The following KCNQ5 variants were observed in gnomAD, a reference collection of about 807,000 sequenced individuals.
KCNQ5 encodes the protein potassium voltage-gated channel subfamily Q member 5.
A neutral mutation model predicts 98.2 loss-of-function variants in KCNQ5; 30 were observed. That is an observed-to-expected ratio of 0.31 (90% CI 0.23 to 0.41). The LOEUF is 0.41. Among genes scored for constraint, KCNQ5 ranks in the 10% least tolerant of loss-of-function variants. The pLI is 1.00. For missense variants in KCNQ5, 835 were observed against 1,182.5 expected, an observed-to-expected ratio of 0.71 and a Z score of 4.31; for synonymous variants, 458 against 449.4, an observed-to-expected ratio of 1.02 and a Z score of -0.24.
chr6:72,798,078 G>A (rs1049169177), intron 1 of KCNQ5, among the ~76,000 whole-genome samples: 8 of 152,288 alleles, frequency 5.3e-5, no homozygotes, highest in African/African-American at 9.6e-5. Context: ...TGATACCCAT[G>A]AGTGAACTGG....
chr6:73,077,686 GAATC>G, intron 4 of KCNQ5, 72 bp from the exon 5 acceptor site: 2 of 1,409,186 alleles, frequency 1.4e-6, no homozygotes, highest in Non-Finnish European at 2.0e-6. Flanking sequence ...AAAGTGAATA[GAATC>G]CTCATAGAAT....
Position 73,084,242 on chromosome 6 carries a change from G to A in KCNQ5, c.918+6355G>A, listed in dbSNP as rs563453274. 4.8e-4 allele frequency among the ~76,000 whole-genome samples: 73 copies of A among 152,310 alleles called. 1 individual carries two copies. Among genetic ancestry groups the A allele is most frequent in the African/African-American group, 1.6e-3 (68 of 41,568 alleles). Reference sequence around the variant, plus strand: ...GGATGTGATGGAAGTATCTTCAAAGGAGCAACTACATTATTTATTTAATGT... The same window carrying A: ...GGATGTGATGGAAGTATCTTCAAAGAAGCAACTACATTATTTATTTAATGT... On this transcript the variant is annotated intron_variant, in intron 5 of 13. Transcript: ENST00000370398.
intron 1 of KCNQ5, among the ~76,000 whole-genome samples, chr6:72,731,705 C>T (rs1770562033): frequency 6.6e-6 from 1 of 152,172 alleles, no homozygotes; most frequent in Non-Finnish European, 1.5e-5. Flanking sequence ...CAAGAAGTCC[C>T]ACTCTGTCAC....
intron 1 of KCNQ5, among the ~76,000 whole-genome samples, chr6:72,962,533 C>T (rs1198863457): frequency 1.3e-5 from 2 of 151,994 alleles, no homozygotes; most frequent in African/African-American, 2.4e-5. Context: ...TCACTAAGCT[C>T]AGAACAGAGA....
intron 1 of KCNQ5, among the ~76,000 whole-genome samples, chr6:72,659,285 C>G (rs1037071460): frequency 6.6e-6 from 1 of 152,112 alleles, no homozygotes; most frequent in Non-Finnish European, 1.5e-5. Flanking sequence ...CCTGTTTGTC[C>G]TCATCCCCTC....
intron 2 of KCNQ5, among the ~76,000 whole-genome samples, chr6:73,005,881 A>G (rs1019177779): frequency 6.6e-6 from 1 of 152,216 alleles, no homozygotes; most frequent in African/African-American, 2.4e-5. Flanking sequence ...CTATAGTGAT[A>G]CATTGTCAAA....
chr6:72,905,922 T>C (rs1779679599), intron 1 of KCNQ5, among the ~76,000 whole-genome samples: 1 of 152,116 alleles, frequency 6.6e-6, no homozygotes, highest in South Asian at 2.1e-4. Flanking sequence ...TGTGGCAGTA[T>C]GGAGAGGAAC....
intron 1 of KCNQ5, among the ~76,000 whole-genome samples, chr6:72,857,281 T>TC (rs1036123276): frequency 1.3e-5 from 2 of 152,232 alleles, no homozygotes; most frequent in Admixed American, 1.3e-4. Flanking sequence ...TTCTTTTTTT[T>TC]CATTTCCCTA....
intron 1 of KCNQ5, among the ~76,000 whole-genome samples, chr6:72,832,343 C>G (rs1254489944): frequency 6.6e-6 from 1 of 152,116 alleles, no homozygotes; most frequent in Non-Finnish European, 1.5e-5. Flanking sequence ...TTACTGTCCT[C>G]CCTGTTTTAG....
At chr6:72,737,188 G>A (rs1038807062) in intron 1 of KCNQ5, among the ~76,000 whole-genome samples, 1 of 152,120 alleles carries the variant, frequency 6.6e-6, no homozygotes, top group South Asian at 2.1e-4. Context: ...TTGAACTCCC[G>A]GCCTCAAGTG....
chr6:72,680,417 A>G (rs990259329), intron 1 of KCNQ5, among the ~76,000 whole-genome samples: 3 of 152,328 alleles, frequency 2.0e-5, no homozygotes, highest in African/African-American at 7.2e-5. Context: ...CAGTTTGTTT[A>G]TCCACCAATC....
At position 72,622,104 on chromosome 6, in the gene KCNQ5, T is replaced by G; in HGVS notation, c.-86T>G. 8.6e-7 allele frequency: 1 copy of G among 1,157,886 alleles called. No individual in the cohort carries two copies. The highest frequency in any genetic ancestry group is 1.1e-6 in the Non-Finnish European group (1 of 927,882). The allele number at this position is 1,157,886 out of a possible 1,614,324, so 71.7% of individuals were successfully genotyped here. On this transcript the variant is annotated 5_prime_UTR_variant, in exon 1 of 14. Coordinates refer to ENST00000370398, the MANE Select transcript of KCNQ5 (RefSeq NM_019842.4). This position sits in a 1 kb window ranked among gnomAD's most constrained non-coding sequence, Gnocchi z 6.0. ...GCGGGCGCCCCGTCGGCCGCCGGCT[T>G]CCTCCTTGAAACCCGCCGGCGCACA...
chr6:72,800,176 A>G (rs1279788720), intron 1 of KCNQ5, among the ~76,000 whole-genome samples: 1 of 152,110 alleles, frequency 6.6e-6, no homozygotes, highest in Non-Finnish European at 1.5e-5. Flanking sequence ...CACACTTTTT[A>G]TTGATAGGAA....
intron 1 of KCNQ5, among the ~76,000 whole-genome samples, chr6:72,688,106 C>T (rs1768046445): frequency 6.6e-6 from 1 of 152,108 alleles, no homozygotes; most frequent in Admixed American, 6.5e-5. Flanking sequence ...CAATACTGAT[C>T]ACTTTTTAAA....
At chr6:73,152,709 T>C (rs992449515) in intron 10 of KCNQ5, among the ~76,000 whole-genome samples, 1 of 152,186 alleles carries the variant, frequency 6.6e-6, no homozygotes, top group Non-Finnish European at 1.5e-5. Flanking sequence ...TTTCTGAGTG[T>C]ATTAGAGCTG....
At chr6:72,760,528 T>G (rs1190318914) in intron 1 of KCNQ5, among the ~76,000 whole-genome samples, 4 of 151,554 alleles carry the variant, frequency 2.6e-5, no homozygotes, top group African/African-American at 9.7e-5. Context: ...GTGAGGGGGT[T>G]CATGAACATA....
intron 1 of KCNQ5, among the ~76,000 whole-genome samples, chr6:72,712,980 T>C (rs1769445830): frequency 6.6e-6 from 1 of 152,294 alleles, no homozygotes; most frequent in Middle Eastern, 3.4e-3. Flanking sequence ...CTCTCTCCTG[T>C]TTGCTGCATT....
intron 1 of KCNQ5, among the ~76,000 whole-genome samples, chr6:72,916,592 G>A (rs971116292): frequency 3.9e-5 from 6 of 152,266 alleles, no homozygotes; most frequent in Non-Finnish European, 5.9e-5. Flanking sequence ...TATTCCATCC[G>A]CAGATCTTAG....
chr6:72,757,364 C>T (rs7743912), intron 1 of KCNQ5, among the ~76,000 whole-genome samples: 21,867 of 152,080 alleles, frequency 0.14, 5,088 homozygotes, highest in African/African-American at 0.49. Flanking sequence ...TATACAGATG[C>T]TCCTCCATTT....
Sources: gnomAD v4.1 joint callset for allele counts (sites outside exome capture counted in the v4.1 genomes callset) on GRCh38, gnomAD v4.1.1 for gene constraint, Gnocchi (gnomAD v3.1) non-coding constraint, MANE v1.5 for transcripts, NCBI Gene and HGNC (gene_info 2026-07-23, HGNC 2026-07-21) for gene names.